Variants in DHX58 observed in about 807,000 individuals in gnomAD.
The protein encoded by DHX58 is ATP-dependent RNA helicase DHX58.
Under a neutral mutation model 65.0 loss-of-function variants are expected in DHX58, and 51 were observed. The ratio of observed to expected loss-of-function variants is 0.78; its 90% CI spans 0.63 to 0.99. DHX58 has a LOEUF of 0.99. DHX58 is among the 50% of genes least tolerant of loss of function. The pLI is 0.00. For synonymous variants in DHX58, 350 were observed against 365.0 expected, an observed-to-expected ratio of 0.96 and a Z score of 0.47; for missense variants, 773 against 891.8, an observed-to-expected ratio of 0.87 and a Z score of 1.70.
In DHX58 at chr17:42,107,737, A is replaced by G. The variant is rs376275327; in HGVS notation, c.864T>C (p.Asn288=). The G allele has an allele frequency of 6.2e-7, 1 of 1,605,388 alleles. No individual in the cohort carries two copies. The highest frequency in any genetic ancestry group is 1.1e-5 in the South Asian group (1 of 89,578). ...RVYALHLRRY[N]DALLIHDTVR... is the part of the protein sequence containing the mutation. ...CGGTGTCATGGATGAGCAGCGCGTC[A>G]TTGTAGCGCCTCAGGTGAAGCGCAT... Residue 288 remains asparagine (N), a synonymous_variant, in exon 8 of 14, where the codon AAT becomes AAC. Coordinates refer to ENST00000251642, the MANE Select transcript of DHX58 (RefSeq NM_024119.3).
Position 42,107,663 on chromosome 17 carries a change from T to G in DHX58, c.938A>C (p.Glu313Ala), listed in dbSNP as rs1555663042. 1 of 1,612,326 alleles carries G rather than the reference T, an allele frequency of 6.2e-7. No homozygotes were observed. Among genetic ancestry groups the G allele is most frequent in the Non-Finnish European group, 8.5e-7 (1 of 1,179,378 alleles). Residue 313 changes from glutamate (E) to alanine (A), a missense_variant, in exon 8 of 14, where the codon GAG becomes GCG. Glu to Ala is a moderately radical substitution (Grantham distance 107, BLOSUM62 -1). Transcript: ENST00000251642. Reference sequence around the variant, plus strand: ...CAGGATCTGGGTTTTAGTGACGTGCTCCCTGTGATAGAAATCCTGCAGCGC... The same window carrying G: ...CAGGATCTGGGTTTTAGTGACGTGCGCCCTGTGATAGAAATCCTGCAGCGC... ...LAALQDFYHR[E>A]HVTKTQILCA...
intron 5 of DHX58, 43 bp downstream of exon 5, chr17:42,110,680 C>T: frequency 1.3e-6 from 2 of 1,537,432 alleles, no homozygotes; most frequent in Non-Finnish European, 8.7e-7. Context: ...AGGGAAGTCC[C>T]TGGTGGGTCT....
rs782092747 is a variant in DHX58, at chr17:42,111,355, G to A, written c.311C>T (p.Ala104Val). 1 of 1,614,166 alleles carries A rather than the reference G, an allele frequency of 6.2e-7. No homozygotes were observed. Among genetic ancestry groups the A allele is most frequent in the Non-Finnish European group, 8.5e-7 (1 of 1,180,022 alleles). The change falls in exon 4 of 14, where the codon GCA becomes GTA. Residue 104 changes from alanine to valine, a missense_variant. Ala to Val is a moderately conservative substitution (Grantham distance 64). Coordinates refer to ENST00000251642, the MANE Select transcript of DHX58 (RefSeq NM_024119.3). ...GGTCAGTGCCATCTGCAGAAGCTCT[G>A]CTGTGCAGATGAGCAGGTCATGGCA... ...ARCHDLLICT[A>V]ELLQMALTSP...
intron 6 of DHX58, 77 bp downstream of exon 6, chr17:42,109,193 G>T: frequency 8.0e-7 from 1 of 1,251,496 alleles, no homozygotes; most frequent in Non-Finnish European, 1.1e-6. Flanking sequence ...GCTAGTGAGG[G>T]CAGAGTCAGG....
intron 8 of DHX58, 76 bp from the exon 9 acceptor site, chr17:42,106,065 A>T (rs1428533550): frequency 2.0e-6 from 3 of 1,509,738 alleles, no homozygotes; most frequent in Non-Finnish European, 2.7e-6. Flanking sequence ...GGCTGAGGGC[A>T]GAAGGATCGC....
At chr17:42,108,853 T>G (rs1202939398) in intron 6 of DHX58, among the ~76,000 whole-genome samples, 2 of 152,250 alleles carry the variant, frequency 1.3e-5, no homozygotes, top group Non-Finnish European at 2.9e-5. Context: ...ACTCACTCCC[T>G]CCCTCCAGAC....
Position 42,105,794 on chromosome 17 carries a change from A to G in DHX58, c.1193T>C (p.Ile398Thr). ...AGCCCCAATCAGTAGCTGGGCCCGG[A>G]TGTCCACAGTCTGCAGGCCCTGCTG... Reference protein sequence around the residue: ...QQQQGLQTVDIRAQLLIGAGN... With the variant: ...QQQQGLQTVDTRAQLLIGAGN... Residue 398 changes from isoleucine (I) to threonine (T), a missense_variant, in exon 9 of 14, where the codon ATC becomes ACC. Coordinates refer to ENST00000251642, the MANE Select transcript of DHX58 (RefSeq NM_024119.3). The G allele has an allele frequency of 6.2e-7, 1 of 1,612,762 alleles. No individual in the cohort carries two copies.
Position 42,111,041 on chromosome 17 carries a change from T to A in DHX58, c.371-128A>T, listed in dbSNP as rs1487950944. The stretch of plus-strand genomic sequence containing the variant: ...TCACAACCTGCAGCTGGTCCCAGGA[T>A]GAGGAGCCAGGCAGGGAAGACTTCT... On this transcript the variant is annotated intron_variant, in intron 4 of 13. Coordinates refer to ENST00000251642, the MANE Select transcript of DHX58 (RefSeq NM_024119.3). 21 of 1,178,586 alleles carry A rather than the reference T, an allele frequency of 1.8e-5. No individual in the cohort carries two copies. In the Middle Eastern group the frequency reaches 6.4e-4, roughly 36 times the overall value. The allele number at this position is 1,178,586 out of a possible 1,614,324, so 73.0% of individuals were successfully genotyped here.
chr17:42,104,755 T>C lies in DHX58; in HGVS notation c.1563+11A>G. On this transcript the variant is annotated intron_variant, in intron 11 of 13. Coordinates refer to ENST00000251642, the MANE Select transcript of DHX58 (RefSeq NM_024119.3). ...CATCCCTCCCACAGGGCATGCAGGC[T>C]GCCTGCAGACCTTGGCCTGGTACTC... 1 of 1,613,360 alleles carries C rather than the reference T, an allele frequency of 6.2e-7. No individual in the cohort carries two copies. The highest frequency in any genetic ancestry group is 1.1e-5 in the South Asian group (1 of 91,068).
chr17:42,106,168 AAAAG>A (rs2054055152), intron 8 of DHX58, among the ~76,000 whole-genome samples, 179 bp from the exon 9 acceptor site: 1 of 151,590 alleles, frequency 6.6e-6, no homozygotes, highest in Non-Finnish European at 1.5e-5. Flanking sequence ...GGGAAAAAAA[AAAAG>A]AAAGCAAGAA....
Position 42,103,744 on chromosome 17 carries a change from G to GCTGGGCTGC in DHX58, c.1609_1617dup (p.Ala537_Gln539dup), listed in dbSNP as rs782722932. 17 of 1,612,554 alleles carry GCTGGGCTGC rather than the reference G, an allele frequency of 1.1e-5. No individual in the cohort carries two copies. The East Asian group carries it at 3.1e-4, about 30-fold the overall frequency. On this transcript the variant is annotated inframe_insertion, in exon 12 of 14. Coordinates refer to ENST00000251642, the MANE Select transcript of DHX58 (RefSeq NM_024119.3). Reference sequence around the variant, plus strand: ...GGGAACTGCTGCCGCTGGTTCTCCCGCTGGGCTGCCTGGGCCGCCCGCTTG... The same window carrying GCTGGGCTGC: ...GGGAACTGCTGCCGCTGGTTCTCCCGCTGGGCTGCCTGGGCTGCCTGGGCCGCCCGCTTG...
rs549245126 is a variant in DHX58, at chr17:42,105,485, C to A, written c.1251+251G>T. Among the ~76,000 whole-genome samples the A allele has an allele frequency of 6.6e-5, 10 of 152,250 alleles. No individual in the cohort carries two copies. The East Asian group carries it at 1.7e-3, about 26-fold the overall frequency. On this transcript the variant is annotated intron_variant, in intron 9 of 13. Transcript: ENST00000251642. ...TGCCCTGAGGAACTGCATCACCCACCTCTTTCCCTACGGACCCCCATGCCC... is the reference window on the plus strand; with the variant it reads ...TGCCCTGAGGAACTGCATCACCCACATCTTTCCCTACGGACCCCCATGCCC...
chr17:42,103,755 T>TGGGCCGCCC lies in DHX58; in HGVS notation c.1598_1606dup (p.Arg533_Ala535dup). ...CCGCTGGTTCTCCCGCTGGGCTGCC[T>TGGGCCGCCC]GGGCCGCCCGCTTGGTCAAGGCTGC... is the stretch of plus-strand genomic sequence containing the variant. On this transcript the variant is annotated inframe_insertion, in exon 12 of 14. Coordinates refer to ENST00000251642, the MANE Select transcript of DHX58 (RefSeq NM_024119.3). The TGGGCCGCCC allele has an allele frequency of 6.2e-7, 1 of 1,611,926 alleles. No homozygotes were observed. The highest frequency in any genetic ancestry group is 2.2e-5 in the East Asian group (1 of 44,882).
chr17:42,107,852 C>A, intron 7 of DHX58, 57 bp from the exon 8 acceptor site: 1 of 1,539,684 alleles, frequency 6.5e-7, no homozygotes, highest in Non-Finnish European at 8.8e-7. Context: ...CTGCCCTGCC[C>A]CATAGGGCCG....
At chr17:42,107,221 C>T (rs1346769348) in intron 8 of DHX58, among the ~76,000 whole-genome samples, 1 of 152,018 alleles carries the variant, frequency 6.6e-6, no homozygotes, top group Non-Finnish European at 1.5e-5. Context: ...TTTTAATTAG[C>T]TGGGAGTGGT....
At chr17:42,105,713 G>A (rs781932283) in intron 9 of DHX58, 23 bp downstream of exon 9, 4 of 1,531,542 alleles carry the variant, frequency 2.6e-6, no homozygotes, top group African/African-American at 2.8e-5. Context: ...CCCAGCGCCA[G>A]CATCTTTCCC....
At chr17:42,103,063 C>G (rs2054002122) in intron 12 of DHX58, 1 of 154,854 alleles carries the variant, frequency 6.5e-6, no homozygotes, top group African/African-American at 2.4e-5. Context: ...GTTGGAATTA[C>G]AGGCGTGAGC....
At chr17:42,105,697 A>T in intron 9 of DHX58, 39 bp downstream of exon 9, 1 of 1,523,734 alleles carries the variant, frequency 6.6e-7, no homozygotes, top group Non-Finnish European at 8.8e-7. Flanking sequence ...CTCCTATGGA[A>T]TCCCTCCCAG....
At chr17:42,107,959 G>T (rs541581567) in intron 7 of DHX58, 23 bp downstream of exon 7, 51 of 1,611,876 alleles carry the variant, frequency 3.2e-5, no homozygotes, top group Non-Finnish European at 3.6e-5. Flanking sequence ...CCTCGCCTCC[G>T]CCAGAAGGGC....
Sources: allele counts gnomAD v4.1 joint callset (sites outside exome capture counted in the v4.1 genomes callset), GRCh38; gene constraint gnomAD v4.1.1; transcripts MANE v1.5; gene names NCBI Gene and HGNC (gene_info 2026-07-23, HGNC 2026-07-21).